Variants in ZMYND8 observed in about 807,000 individuals in gnomAD.
ZMYND8 encodes MYND-type zinc finger-containing chromatin reader ZMYND8.
Under a neutral mutation model 140.8 loss-of-function variants are expected in ZMYND8, and 37 were observed. The ratio of observed to expected loss-of-function variants is 0.26; its 90% CI spans 0.20 to 0.35. The LOEUF is 0.35. ZMYND8 is among the 10% of genes least tolerant of loss of function. The probability of loss-of-function intolerance (pLI) is 1.00; values close to 1 mark genes in which losing one functional copy is unlikely to be tolerated. For missense variants in ZMYND8, 1,068 were observed against 1,570.0 expected (o/e 0.68, Z 5.40); for synonymous variants, 592 against 597.1 (o/e 0.99, Z 0.12).
chr20:47,252,291 C>CAA (rs144291181), intron 12 of ZMYND8, among the ~76,000 whole-genome samples: 262 of 68,490 alleles, frequency 3.8e-3, no homozygotes, highest in Non-Finnish European at 4.7e-3. Context: ...GACTCTGTCT[C>CAA]AAAAAAAAAA....
intron 14 of ZMYND8, among the ~76,000 whole-genome samples, chr20:47,244,948 T>C (rs1464149220): frequency 2.0e-5 from 3 of 152,054 alleles, no homozygotes; most frequent in African/African-American, 7.2e-5. Flanking sequence ...TCCCAGTTAC[T>C]TGGGAGGCTG....
chr20:47,238,951 C>A lies in ZMYND8; in HGVS notation c.2472G>T (p.Pro824=). The change falls in exon 15 of 23, where the codon CCG becomes CCT. Residue 824 remains proline, a synonymous_variant. Coordinates refer to ENST00000471951, the MANE Select transcript of ZMYND8 (RefSeq NM_001281775.3). ...CCGGGGCAGTCTCCTTCGGTAAAAG[C>A]GGCCTCTGCTTTTTCACTGGGCTTC... The part of the protein sequence containing the change: ...ATGSPVKKQR[P]LLPKETAPAV... 1 of 1,613,196 alleles carries A rather than the reference C, an allele frequency of 6.2e-7. No individual in the cohort carries two copies. The highest frequency in any genetic ancestry group is 8.5e-7 in the Non-Finnish European group (1 of 1,179,162).
At position 47,210,560 on chromosome 20, in the gene ZMYND8, G is replaced by A. The variant is rs2035097745; in HGVS notation, c.*201C>T. ...TTTACACCAAAAGCACAGGGCTCGT[G>A]TGGGTGAACAGTCTGCAGTCAAAGC... On this transcript the variant is annotated 3_prime_UTR_variant, in exon 23 of 23. Coordinates refer to ENST00000471951, the MANE Select transcript of ZMYND8 (RefSeq NM_001281775.3). 1.5e-6 allele frequency: 1 copy of A among 676,616 alleles called. No individual in the cohort carries two copies. The highest frequency in any genetic ancestry group is 2.6e-5 in the East Asian group (1 of 37,810). The allele number at this position is 676,616 out of a possible 1,614,324, so 41.9% of individuals were successfully genotyped here.
In ZMYND8 at chr20:47,294,910, C is replaced by T. The variant is rs1569125468; in HGVS notation, c.454-131G>A. ...CATCCCAATGAGACTTGTTGTTTCACTTAGCAAAGACTCCTGGAACAAAAT... is the reference window on the plus strand; with the variant it reads ...CATCCCAATGAGACTTGTTGTTTCATTTAGCAAAGACTCCTGGAACAAAAT... On this transcript the variant is annotated intron_variant, in intron 4 of 22. Coordinates refer to ENST00000471951, the MANE Select transcript of ZMYND8 (RefSeq NM_001281775.3). The T allele has an allele frequency of 3.9e-6, 3 of 776,322 alleles. No homozygotes were observed. In the East Asian group the frequency reaches 7.8e-5, roughly 20 times the overall value. 48.1% of individuals were successfully genotyped at this position (776,322 alleles called of 1,614,324 possible).
rs537675008 is a variant in ZMYND8, at chr20:47,312,127, A to C, written c.86-1923T>G. Reference sequence around the variant, plus strand: ...GAAATCTGCGAAGATGTCAATTACCAAAGATGCTCCTGCCCCAGTTTTACC... The same window carrying C: ...GAAATCTGCGAAGATGTCAATTACCCAAGATGCTCCTGCCCCAGTTTTACC... On this transcript the variant is annotated intron_variant, in intron 2 of 22. Transcript: ENST00000471951. Among the ~76,000 whole-genome samples, 3 of 152,320 alleles carry C rather than the reference A, an allele frequency of 2.0e-5. No homozygotes were observed. In the South Asian group the frequency reaches 6.2e-4, roughly 32 times the overall value.
chr20:47,318,053 T>TC (rs1345906590), intron 2 of ZMYND8, among the ~76,000 whole-genome samples: 1 of 151,956 alleles, frequency 6.6e-6, no homozygotes, highest in Non-Finnish European at 1.5e-5. Context: ...TTCCACCTCC[T>TC]CCCCGACTAC....
At chr20:47,315,813 C>A (rs2079343760) in intron 2 of ZMYND8, among the ~76,000 whole-genome samples, 2 of 152,114 alleles carry the variant, frequency 1.3e-5, no homozygotes, top group Admixed American at 1.3e-4. Flanking sequence ...ACCTGTGACC[C>A]CGCCCGGCTG....
chr20:47,319,136 C>T (rs763180497), intron 2 of ZMYND8: 2 of 946,700 alleles, frequency 2.1e-6, no homozygotes, highest in Non-Finnish European at 2.9e-6. Context: ...GTCTTGTACG[C>T]ATTAGGTCGC....
At position 47,221,587 on chromosome 20, in the gene ZMYND8, G is replaced by A. The variant is rs2036956013; in HGVS notation, c.3257-113C>T. On this transcript the variant is annotated intron_variant, in intron 19 of 22. Coordinates refer to ENST00000471951, the MANE Select transcript of ZMYND8 (RefSeq NM_001281775.3). ...GGCACCCAAGGCTCAGCCCTACCCAGGGCATAAAAGTGGAGGCTCAAGGGG... is the reference window on the plus strand; with the variant it reads ...GGCACCCAAGGCTCAGCCCTACCCAAGGCATAAAAGTGGAGGCTCAAGGGG... 3 of 1,318,830 alleles carry A rather than the reference G, an allele frequency of 2.3e-6. No individual in the cohort carries two copies. The South Asian group carries it at 5.2e-5, about 23-fold the overall frequency. 81.7% of individuals were successfully genotyped at this position (1,318,830 alleles called of 1,614,324 possible). A position where few individuals can be genotyped will look rare whatever the true frequency, so the allele number is the denominator to read the frequency against.
At chr20:47,211,998 C>T (rs1003715384) in intron 22 of ZMYND8, among the ~76,000 whole-genome samples, 1 of 152,198 alleles carries the variant, frequency 6.6e-6, no homozygotes, top group Non-Finnish European at 1.5e-5. Context: ...GGGAGCAATA[C>T]TATGGTAGGC....
chr20:47,213,071 T>G (rs2035515760), intron 21 of ZMYND8, among the ~76,000 whole-genome samples: 1 of 152,164 alleles, frequency 6.6e-6, no homozygotes, highest in South Asian at 2.1e-4. Flanking sequence ...AGGCAGGCAC[T>G]AGAAACGTGC....
At chr20:47,272,711 G>A (rs1237549368) in intron 11 of ZMYND8, among the ~76,000 whole-genome samples, 3 of 152,226 alleles carry the variant, frequency 2.0e-5, no homozygotes, top group Admixed American at 6.5e-5. Flanking sequence ...ACACAGCTCT[G>A]AGTTCTCCAA....
chr20:47,335,516 C>T (rs2081324594), intron 2 of ZMYND8, among the ~76,000 whole-genome samples: 1 of 151,956 alleles, frequency 6.6e-6, no homozygotes, highest in Admixed American at 6.6e-5. Flanking sequence ...GAAGGAATGA[C>T]GACTTTAATA....
intron 14 of ZMYND8, 68 bp downstream of exon 14, chr20:47,245,940 G>A (rs918950711): frequency 4.6e-6 from 7 of 1,519,190 alleles, no homozygotes; most frequent in Non-Finnish European, 6.2e-6. Flanking sequence ...CATAACTTTT[G>A]ATAGTAAGTG....
At chr20:47,237,468 T>G (rs2039398337) in intron 15 of ZMYND8, 1 of 152,212 alleles carries the variant, frequency 6.6e-6, no homozygotes, top group Admixed American at 6.5e-5. Flanking sequence ...CTCTTCTTGG[T>G]AGCAATTAAA....
intron 19 of ZMYND8, among the ~76,000 whole-genome samples, chr20:47,222,873 A>T (rs1321317680): frequency 2.0e-5 from 3 of 152,264 alleles, no homozygotes; most frequent in African/African-American, 7.2e-5. Context: ...AGACAGCCAC[A>T]TCCATCCATT....
At chr20:47,245,405 C>G (rs780239641) in intron 14 of ZMYND8, among the ~76,000 whole-genome samples, 3 of 152,162 alleles carry the variant, frequency 2.0e-5, no homozygotes, top group Admixed American at 6.5e-5. Context: ...TGCTACCACG[C>G]CCCGCTAATT....
At chr20:47,315,092 C>T (rs2079273213) in intron 2 of ZMYND8, among the ~76,000 whole-genome samples, 1 of 151,992 alleles carries the variant, frequency 6.6e-6, no homozygotes. Flanking sequence ...TTCAACATTA[C>T]TTAATTTAAT....
intron 2 of ZMYND8, among the ~76,000 whole-genome samples, chr20:47,339,134 G>A (rs763120881): frequency 4.3e-4 from 65 of 151,754 alleles, no homozygotes; most frequent in Middle Eastern, 3.2e-3. Flanking sequence ...CTCCACGCCC[G>A]GCTAATTTTT....
Sources: gnomAD v4.1 joint callset for allele counts (sites outside exome capture counted in the v4.1 genomes callset) on GRCh38, gnomAD v4.1.1 for gene constraint, MANE v1.5 for transcripts, NCBI Gene and HGNC (gene_info 2026-07-23, HGNC 2026-07-21) for gene names.